Variants in CAMK1D observed in about 807,000 individuals in gnomAD.
CAMK1D encodes the protein calcium/calmodulin dependent protein kinase ID.
Under a neutral mutation model 47.7 loss-of-function variants are expected in CAMK1D, and 9 were observed. That is an observed-to-expected ratio of 0.19 (90% CI 0.11 to 0.33). The LOEUF is 0.33. Among genes scored for constraint, CAMK1D ranks in the 10% least tolerant of loss-of-function variants. The pLI, the probability that CAMK1D is intolerant of heterozygous loss-of-function variation, is 1.00. For missense variants in CAMK1D, 291 were observed against 488.7 expected (o/e 0.60, Z 3.81); for synonymous variants, 184 against 184.9 (o/e 0.99, Z 0.04).
chr10:12,384,399 A>C (rs1442253463), intron 1 of CAMK1D, among the ~76,000 whole-genome samples: 1 of 152,194 alleles, frequency 6.6e-6, no homozygotes, highest in African/African-American at 2.4e-5. Flanking sequence ...AAATAGCCAA[A>C]ACAGTCTTGA....
At chr10:12,660,610 G>T (rs539126886) in intron 2 of CAMK1D, among the ~76,000 whole-genome samples, 17 of 152,214 alleles carry the variant, frequency 1.1e-4, no homozygotes, top group Middle Eastern at 3.4e-3. Context: ...GACTCTCTCT[G>T]CCTGGACCCA....
chr10:12,665,429 G>A (rs933544536), intron 2 of CAMK1D, among the ~76,000 whole-genome samples: 3 of 152,188 alleles, frequency 2.0e-5, no homozygotes, highest in African/African-American at 7.2e-5. Flanking sequence ...CTGTTTAGCG[G>A]CAACAGCCTT....
intron 1 of CAMK1D, among the ~76,000 whole-genome samples, chr10:12,520,044 G>T (rs1835352731): frequency 1.3e-5 from 1 of 79,308 alleles, no homozygotes; most frequent in African/African-American, 5.0e-5. Flanking sequence ...CCTCCCGGAC[G>T]GGGCGGCTGG....
chr10:12,528,041 C>T (rs542400937), intron 1 of CAMK1D, among the ~76,000 whole-genome samples: 8 of 152,344 alleles, frequency 5.3e-5, no homozygotes, highest in African/African-American at 1.9e-4. Context: ...GGGCCAGACA[C>T]TGTTCTGAGC....
intron 2 of CAMK1D, among the ~76,000 whole-genome samples, chr10:12,561,164 G>T (rs1413835706): frequency 1.3e-5 from 2 of 152,116 alleles, no homozygotes; most frequent in Non-Finnish European, 2.9e-5. Context: ...TGATCTGCCT[G>T]CCTTGGCCTC....
At chr10:12,722,534 T>C (rs1020281254) in intron 3 of CAMK1D, among the ~76,000 whole-genome samples, 1 of 149,436 alleles carries the variant, frequency 6.7e-6, no homozygotes, top group Non-Finnish European at 1.5e-5. Context: ...CTAGAAGTTA[T>C]AGAAATTTGC....
intron 1 of CAMK1D, among the ~76,000 whole-genome samples, chr10:12,468,705 T>C (rs1435186259): frequency 6.6e-6 from 1 of 152,136 alleles, no homozygotes; most frequent in Non-Finnish European, 1.5e-5. Context: ...CTCCAGCCCA[T>C]GTGATGGGCG....
chr10:12,353,987 C>T (rs369739580), intron 1 of CAMK1D, among the ~76,000 whole-genome samples: 5 of 152,218 alleles, frequency 3.3e-5, no homozygotes, highest in East Asian at 3.9e-4. Context: ...AGGAAAGCTT[C>T]GGTGTGGTGT....
intron 1 of CAMK1D, among the ~76,000 whole-genome samples, chr10:12,480,264 G>T (rs1834024328): frequency 6.6e-6 from 1 of 152,026 alleles, no homozygotes; most frequent in Admixed American, 6.6e-5. Context: ...CTGAAATCCG[G>T]TCTCTACTAA....
chr10:12,782,941 G>C (rs985155866), intron 5 of CAMK1D, among the ~76,000 whole-genome samples: 1 of 151,772 alleles, frequency 6.6e-6, no homozygotes. Flanking sequence ...CTGGATCTGA[G>C]ATAACAGACT....
At chr10:12,380,666 C>A (rs373022289) in intron 1 of CAMK1D, among the ~76,000 whole-genome samples, 1 of 152,148 alleles carries the variant, frequency 6.6e-6, no homozygotes, top group African/African-American at 2.4e-5. Context: ...ACCATCCTGG[C>A]TAACACGGTG....
At chr10:12,418,865 C>A (rs1839945830) in intron 1 of CAMK1D, among the ~76,000 whole-genome samples, 1 of 152,170 alleles carries the variant, frequency 6.6e-6, no homozygotes. Context: ...GACCGTCCAC[C>A]CCTGCCGAGG....
chr10:12,694,562 T>C (rs1283831451), intron 3 of CAMK1D, among the ~76,000 whole-genome samples: 3 of 88,342 alleles, frequency 3.4e-5, no homozygotes, highest in African/African-American at 1.3e-4. Context: ...ATATATAAAA[T>C]ATATAATATA....
At chr10:12,465,633 G>A (rs1564356734) in intron 1 of CAMK1D, among the ~76,000 whole-genome samples, 1 of 152,212 alleles carries the variant, frequency 6.6e-6, no homozygotes, top group Non-Finnish European at 1.5e-5. Context: ...GGGATTACAG[G>A]TGTGAGCCCC....
chr10:12,677,320 G>T (rs931146709), intron 3 of CAMK1D, among the ~76,000 whole-genome samples: 4 of 152,102 alleles, frequency 2.6e-5, no homozygotes, highest in Non-Finnish European at 4.4e-5. Flanking sequence ...TTCCGAATAT[G>T]ACACCTTAAT....
Position 12,777,142 on chromosome 10 carries a change from A to T in CAMK1D, c.565+7343A>T, listed in dbSNP as rs1177389178. On this transcript the variant is annotated intron_variant, in intron 5 of 10. Coordinates refer to ENST00000619168, the MANE Select transcript of CAMK1D (RefSeq NM_153498.4). ...GGATAGGCAATGAAGGAGAGGAAAG[A>T]TCCCAGAGCTGAGTCCTGGGGACAT... Among the ~76,000 whole-genome samples the T allele has an allele frequency of 4.6e-5, 7 of 152,228 alleles. No homozygotes were observed. In the East Asian group the frequency reaches 1.4e-3, roughly 29 times the overall value.
intron 3 of CAMK1D, among the ~76,000 whole-genome samples, chr10:12,683,658 G>A (rs116193330): frequency 0.016 from 2,365 of 151,384 alleles, 71 homozygotes; most frequent in African/African-American, 0.055. Flanking sequence ...TAGTAATTTC[G>A]CATCCTTAAG....
chr10:12,427,637 G>A (rs1214917681), intron 1 of CAMK1D, among the ~76,000 whole-genome samples: 1 of 149,412 alleles, frequency 6.7e-6, no homozygotes, highest in Non-Finnish European at 1.5e-5. Flanking sequence ...TTGGTTTCAA[G>A]CATTTATTTC....
intron 5 of CAMK1D, among the ~76,000 whole-genome samples, chr10:12,774,053 T>C (rs1022128008): frequency 1.7e-5 from 2 of 117,388 alleles, no homozygotes; most frequent in African/African-American, 6.6e-5. Flanking sequence ...CCTTCTGTTC[T>C]GGGCACTGGT....
Sources: gnomAD v4.1 joint callset for allele counts (sites outside exome capture counted in the v4.1 genomes callset) on GRCh38, gnomAD v4.1.1 for gene constraint, MANE v1.5 for transcripts, NCBI Gene and HGNC (gene_info 2026-07-23, HGNC 2026-07-21) for gene names.